The following DOCK9 variants were observed in gnomAD, a reference collection of about 807,000 sequenced individuals.
DOCK9 encodes the protein dedicator of cytokinesis protein 9.
Under a neutral mutation model 263.3 loss-of-function variants are expected in DOCK9, and 89 were observed. The ratio of observed to expected loss-of-function variants is 0.34; its 90% CI spans 0.28 to 0.40. The LOEUF is 0.40. Ranked by LOEUF, DOCK9 falls within the 10% of genes least tolerant of loss-of-function variation. DOCK9 has a pLI of 1.00. For synonymous variants in DOCK9, 976 were observed against 973.1 expected (o/e 1.00, Z -0.06); for missense variants, 2,140 against 2,603.4 (o/e 0.82, Z 3.87).
intron 1 of DOCK9, among the ~76,000 whole-genome samples, chr13:98,962,652 GA>G (rs771637806): frequency 2.1e-3 from 313 of 146,084 alleles, no homozygotes; most frequent in African/African-American, 7.5e-3. Context: ...AAAAAAAAAA[GA>G]AAAAAAAACT....
chr13:99,069,234 C>T (rs974798700), intron 1 of DOCK9, among the ~76,000 whole-genome samples: 1 of 152,094 alleles, frequency 6.6e-6, no homozygotes, highest in Admixed American at 6.5e-5. Flanking sequence ...TAAATTAGTT[C>T]TTCCTTCATG....
chr13:98,867,482 A>C lies in DOCK9; in HGVS notation c.3229T>G (p.Tyr1077Asp). Residue 1077 changes from tyrosine to aspartate, a missense_variant, in exon 30 of 53, where the codon TAT becomes GAT. By Grantham distance (160) the Tyr-to-Asp change is radical. This residue lies in a region of DOCK9 where 1,521 missense variants were observed against 1,741.7 expected (regional missense o/e 0.87). Transcript: ENST00000682017. Reference sequence around the variant, plus strand: ...GGCATTGGTAAGTTCAACGGAATATAATGTTCATGGTTGCACACTACACGG... The same window carrying C: ...GGCATTGGTAAGTTCAACGGAATATCATGTTCATGGTTGCACACTACACGG... The part of the protein sequence containing the change: ...FLRVVCNHEH[Y>D]IPLNLPMPFG... 6.2e-7 allele frequency: 1 copy of C among 1,613,096 alleles called. No individual in the cohort carries two copies.
intron 2 of DOCK9, among the ~76,000 whole-genome samples, chr13:98,946,415 C>A (rs1455937343): frequency 1.3e-5 from 2 of 152,068 alleles, no homozygotes; most frequent in African/African-American, 4.8e-5. Context: ...CTTTCCAAAC[C>A]CTTACTCACC....
At chr13:98,892,893 TCCAC>T (rs2046838030) in intron 15 of DOCK9, among the ~76,000 whole-genome samples, 1 of 152,112 alleles carries the variant, frequency 6.6e-6, no homozygotes, top group Non-Finnish European at 1.5e-5. Flanking sequence ...GCTGTTATTA[TCCAC>T]CCTTAAAAAG....
At chr13:98,958,073 G>A (rs2058257078) in intron 1 of DOCK9, among the ~76,000 whole-genome samples, 1 of 152,236 alleles carries the variant, frequency 6.6e-6, no homozygotes, top group East Asian at 1.9e-4. Flanking sequence ...CTGGACAGGG[G>A]GTTGGAGGGA....
At chr13:99,051,592 A>T (rs780353830) in intron 1 of DOCK9, among the ~76,000 whole-genome samples, 2 of 152,166 alleles carry the variant, frequency 1.3e-5, no homozygotes, top group Admixed American at 1.3e-4. Flanking sequence ...TCATTCGCTG[A>T]TAGTGATACA....
At position 98,922,164 on chromosome 13, in the gene DOCK9, C is replaced by T. The variant is rs767552928; in HGVS notation, c.487-18G>A. The T allele has an allele frequency of 1.3e-6, 2 of 1,556,652 alleles. No homozygotes were observed. The highest frequency in any genetic ancestry group is 1.7e-6 in the Non-Finnish European group (2 of 1,144,346). The stretch of plus-strand genomic sequence containing the variant: ...GCAGCATCCTAGGAGAGAAGGAAAA[C>T]ACCAGCAGTCAACCTCCCGTTATTA... On this transcript the variant is annotated intron_variant, in intron 5 of 52. Coordinates refer to ENST00000682017, the MANE Select transcript of DOCK9 (RefSeq NM_001366683.2).
intron 7 of DOCK9, among the ~76,000 whole-genome samples, chr13:98,920,016 G>A (rs1410731407): frequency 6.6e-6 from 1 of 152,182 alleles, no homozygotes; most frequent in East Asian, 1.9e-4. Context: ...TGGATGAATG[G>A]AGGGGTGGAC....
chr13:99,084,825 G>A (rs1450445193), intron 1 of DOCK9, among the ~76,000 whole-genome samples: 1 of 152,202 alleles, frequency 6.6e-6, no homozygotes, highest in Admixed American at 6.5e-5. Flanking sequence ...AGAAGTTGCA[G>A]GCTTTATCCT....
chr13:98,860,632 A>G, intron 32 of DOCK9, 110 bp from the exon 33 acceptor site: 2 of 879,922 alleles, frequency 2.3e-6, no homozygotes, highest in Non-Finnish European at 1.6e-6. Flanking sequence ...GATGCATTCA[A>G]CGTGCCTGCC....
intron 2 of DOCK9, among the ~76,000 whole-genome samples, chr13:98,936,178 G>A (rs9517491): frequency 0.051 from 7,697 of 151,938 alleles, 393 homozygotes; most frequent in African/African-American, 0.12. Flanking sequence ...CCTGTACCAT[G>A]GTGACCTTAT....
intron 1 of DOCK9, among the ~76,000 whole-genome samples, chr13:99,012,061 C>A (rs868334805): frequency 6.6e-6 from 1 of 152,112 alleles, no homozygotes; most frequent in Non-Finnish European, 1.5e-5. Context: ...GGCTGTCCAC[C>A]CGCCTTAGCC....
chr13:99,033,680 A>G (rs938904347), intron 1 of DOCK9, among the ~76,000 whole-genome samples: 1 of 152,230 alleles, frequency 6.6e-6, no homozygotes, highest in Non-Finnish European at 1.5e-5. Flanking sequence ...CAACAGTGAT[A>G]AAAGTGAGGA....
At chr13:99,022,966 G>C (rs797013761) in intron 1 of DOCK9, among the ~76,000 whole-genome samples, 1 of 152,090 alleles carries the variant, frequency 6.6e-6, no homozygotes, top group Non-Finnish European at 1.5e-5. Context: ...CAATCCATCA[G>C]GTCTTCAAAA....
intron 7 of DOCK9, among the ~76,000 whole-genome samples, chr13:98,919,343 TC>T (rs2140021726): frequency 6.6e-6 from 1 of 152,176 alleles, no homozygotes; most frequent in South Asian, 2.1e-4. Flanking sequence ...CTCCTGACCA[TC>T]CGCCTCTGCC....
At chr13:98,991,746 C>CCAATCCTGT (rs1451495427) in intron 1 of DOCK9, among the ~76,000 whole-genome samples, 2 of 151,610 alleles carry the variant, frequency 1.3e-5, no homozygotes, top group Non-Finnish European at 2.9e-5. Context: ...TAGGCAATCC[C>CCAATCCTGT]CAATCCTGTC....
At chr13:99,051,003 G>A (rs1337002799) in intron 1 of DOCK9, among the ~76,000 whole-genome samples, 1 of 152,182 alleles carries the variant, frequency 6.6e-6, no homozygotes, top group East Asian at 1.9e-4. Context: ...AGAACTCAGT[G>A]GGAGACTTCC....
rs2047618289 is a variant in DOCK9, at chr13:98,897,502, A to G, written c.1695T>C (p.Leu565=). 1.2e-5 allele frequency: 19 copies of G among 1,613,586 alleles called. No homozygotes were observed. Among genetic ancestry groups the G allele is most frequent in the Non-Finnish European group, 1.5e-5 (18 of 1,179,804 alleles). The change falls in exon 15 of 53, where the codon CTT becomes CTC. Residue 565 remains leucine, a synonymous_variant. Coordinates refer to ENST00000682017, the MANE Select transcript of DOCK9 (RefSeq NM_001366683.2). ...KLSNDDMLKL[L]ADFRKPEKMA... ...TTGAAACTCACTTCCGAAAGTCTGC[A>G]AGTAACTTGAGCATGTCATCATTGG...
upstream of DOCK9, among the ~76,000 whole-genome samples, chr13:98,980,022 CTATT>C (rs999613113): frequency 6.6e-6 from 1 of 152,176 alleles, no homozygotes; most frequent in African/African-American, 2.4e-5. Context: ...AAATGCTATT[CTATT>C]TGTTATTGTT....
Sources: allele counts gnomAD v4.1 joint callset (sites outside exome capture counted in the v4.1 genomes callset), GRCh38; gene constraint gnomAD v4.1.1; regional missense constraint gnomAD v4.1.1; transcripts MANE v1.5; gene names NCBI Gene and HGNC (gene_info 2026-07-23, HGNC 2026-07-21).